Variants in TAFA1 observed in about 807,000 individuals in gnomAD.
The protein encoded by TAFA1 is chemokine-like protein TAFA-1.
In TAFA1, 4 loss-of-function variants were observed where a neutral mutation model predicts 18.5. That is an observed-to-expected ratio of 0.22 (90% CI 0.11 to 0.49). The LOEUF is 0.49. TAFA1 is among the 20% of genes least tolerant of loss of function. TAFA1 has a pLI of 0.98. For synonymous variants in TAFA1, 56 were observed against 55.2 expected (o/e 1.01, Z -0.06); for missense variants, 147 against 169.0 (o/e 0.87, Z 0.72).
rs186795080 is a variant in TAFA1, at chr3:68,455,686, T to C, written c.259+38266T>C. Among the ~76,000 whole-genome samples, 358 of 152,314 alleles carry C rather than the reference T, an allele frequency of 2.4e-3. 2 individuals carry two copies. The highest frequency in any genetic ancestry group is 4.0e-3 in the Non-Finnish European group (269 of 68,024). The stretch of plus-strand genomic sequence containing the variant: ...TTTTTTGCCATATACATGATCATTT[T>C]CAAGATTTTCTTGATTGGCCCTGTC... On this transcript the variant is annotated intron_variant, in intron 3 of 4. Coordinates refer to ENST00000478136, the MANE Select transcript of TAFA1 (RefSeq NM_213609.4).
chr3:68,203,305 G>A (rs574339741), intron 2 of TAFA1, among the ~76,000 whole-genome samples: 6 of 151,622 alleles, frequency 4.0e-5, no homozygotes, highest in African/African-American at 1.2e-4. Flanking sequence ...TCTGCTTGGT[G>A]TTTTCTGACC....
At chr3:68,408,560 C>A (rs1431464016) in intron 2 of TAFA1, among the ~76,000 whole-genome samples, 1 of 152,174 alleles carries the variant, frequency 6.6e-6, no homozygotes, top group Non-Finnish European at 1.5e-5. Flanking sequence ...TCTTCTTCTA[C>A]CGTTTCCTTC....
At chr3:68,302,349 T>A (rs753524124) in intron 2 of TAFA1, among the ~76,000 whole-genome samples, 5 of 152,116 alleles carry the variant, frequency 3.3e-5, no homozygotes, top group African/African-American at 7.2e-5. Context: ...ACCATACACA[T>A]GTCCAGAATG....
chr3:68,251,527 G>C (rs373578983), intron 2 of TAFA1, among the ~76,000 whole-genome samples: 10 of 152,308 alleles, frequency 6.6e-5, no homozygotes, highest in African/African-American at 2.2e-4. Context: ...CATTTCAGTG[G>C]AGGAGAAAGA....
intron 3 of TAFA1, among the ~76,000 whole-genome samples, chr3:68,512,966 C>T (rs2072871755): frequency 6.6e-6 from 1 of 152,056 alleles, no homozygotes; most frequent in Non-Finnish European, 1.5e-5. Flanking sequence ...AACAACCGTG[C>T]AAAGTGGGTG....
At chr3:68,264,735 T>C (rs1346418941) in intron 2 of TAFA1, among the ~76,000 whole-genome samples, 2 of 151,842 alleles carry the variant, frequency 1.3e-5, no homozygotes, top group Non-Finnish European at 2.9e-5. Context: ...AAATTTATAT[T>C]CTATATAATT....
intron 2 of TAFA1, among the ~76,000 whole-genome samples, chr3:68,184,315 A>G (rs1301495932): frequency 1.3e-5 from 2 of 152,146 alleles, no homozygotes; most frequent in Non-Finnish European, 2.9e-5. Context: ...AAAGCATTCT[A>G]AGTCCTACCT....
intron 2 of TAFA1, among the ~76,000 whole-genome samples, chr3:68,232,259 C>G (rs765463234): frequency 1.3e-5 from 2 of 152,198 alleles, no homozygotes; most frequent in Non-Finnish European, 2.9e-5. Flanking sequence ...CAATTCTACT[C>G]TCTACTTTTA....
At chr3:68,370,121 T>C (rs1162263149) in intron 2 of TAFA1, among the ~76,000 whole-genome samples, 1 of 148,466 alleles carries the variant, frequency 6.7e-6, no homozygotes, top group Non-Finnish European at 1.5e-5. Context: ...ACCCCGTCTC[T>C]AATAAAAATA....
At chr3:68,448,052 G>T (rs1349622979) in intron 3 of TAFA1, among the ~76,000 whole-genome samples, 1 of 152,286 alleles carries the variant, frequency 6.6e-6, no homozygotes, top group Admixed American at 6.5e-5. Flanking sequence ...GAATTCTGCT[G>T]CAGTTGGTGG....
chr3:68,258,719 GT>G (rs1468484353), intron 2 of TAFA1, among the ~76,000 whole-genome samples: 3 of 152,126 alleles, frequency 2.0e-5, no homozygotes, highest in African/African-American at 7.2e-5. Context: ...AAATCTTCTA[GT>G]CCAACCTTAC....
chr3:68,517,665 A>C (rs972446749), intron 3 of TAFA1, among the ~76,000 whole-genome samples: 1 of 152,206 alleles, frequency 6.6e-6, no homozygotes, highest in African/African-American at 2.4e-5. Flanking sequence ...TTTCAGTTCC[A>C]TCTATGAAAT....
intron 2 of TAFA1, among the ~76,000 whole-genome samples, chr3:68,065,827 GC>G (rs758844044): frequency 2.3e-4 from 34 of 148,142 alleles, no homozygotes; most frequent in Non-Finnish European, 4.3e-4. Context: ...ATTTTTATTA[GC>G]TAAAAATTGA....
chr3:68,535,076 G>A (rs2073255121), intron 3 of TAFA1, among the ~76,000 whole-genome samples: 1 of 152,094 alleles, frequency 6.6e-6, no homozygotes, highest in African/African-American at 2.4e-5. Flanking sequence ...ATATTAGGTG[G>A]GGTTTAAGTG....
chr3:68,407,164 A>G (rs1370793608), intron 2 of TAFA1, among the ~76,000 whole-genome samples: 1 of 152,126 alleles, frequency 6.6e-6, no homozygotes, highest in Non-Finnish European at 1.5e-5. Context: ...AAAAAATAAG[A>G]GTTATATTTT....
chr3:68,122,019 T>C (rs1309032501), intron 2 of TAFA1, among the ~76,000 whole-genome samples: 3 of 152,132 alleles, frequency 2.0e-5, no homozygotes, highest in East Asian at 1.9e-4. Flanking sequence ...CCCTTCGTTG[T>C]ATTGTTCTTT....
chr3:68,203,376 G>A (rs1311213273), intron 2 of TAFA1, among the ~76,000 whole-genome samples: 2 of 151,628 alleles, frequency 1.3e-5, no homozygotes, highest in Non-Finnish European at 3.0e-5. Context: ...GTCATTTTCT[G>A]TTTGTTAATT....
chr3:68,358,079 A>G (rs1559631973), intron 2 of TAFA1, among the ~76,000 whole-genome samples: 2 of 151,980 alleles, frequency 1.3e-5, no homozygotes, highest in African/African-American at 4.8e-5. Flanking sequence ...CCAACATTCA[A>G]CAAGGCTGTT....
chr3:68,228,558 G>T (rs2066831736), intron 2 of TAFA1, among the ~76,000 whole-genome samples: 1 of 152,126 alleles, frequency 6.6e-6, no homozygotes, highest in African/African-American at 2.4e-5. Context: ...ATTTACTCCT[G>T]CTCGACTGCT....
Sources: gnomAD v4.1 joint callset for allele counts (sites outside exome capture counted in the v4.1 genomes callset) on GRCh38, gnomAD v4.1.1 for gene constraint, MANE v1.5 for transcripts, NCBI Gene and HGNC (gene_info 2026-07-23, HGNC 2026-07-21) for gene names.